The following PRKCE variants were observed in gnomAD, a reference collection of about 807,000 sequenced individuals.
PRKCE encodes protein kinase C epsilon type.
PRKCE carries 16 observed loss-of-function variants against 85.4 expected under a neutral mutation model. The ratio of observed to expected loss-of-function variants is 0.19; its 90% CI spans 0.13 to 0.28. PRKCE has a LOEUF of 0.28. Ranked by LOEUF, PRKCE falls within the 10% of genes least tolerant of loss-of-function variation. The pLI is 1.00. For missense variants in PRKCE, 573 were observed against 975.2 expected (o/e 0.59, Z 5.49); for synonymous variants, 388 against 371.5 (o/e 1.04, Z -0.51).
At chr2:45,973,809 C>T (rs1187964837) in intron 2 of PRKCE, among the ~76,000 whole-genome samples, 2 of 152,232 alleles carry the variant, frequency 1.3e-5, no homozygotes, top group African/African-American at 2.4e-5. Context: ...TTAGGAAGGA[C>T]TGTAACCACC....
intron 1 of PRKCE, among the ~76,000 whole-genome samples, chr2:45,748,628 C>G (rs1431093561): frequency 6.6e-6 from 1 of 152,180 alleles, no homozygotes; most frequent in Non-Finnish European, 1.5e-5. Context: ...GATCTCTTAT[C>G]TCTACCCTTC....
intron 2 of PRKCE, among the ~76,000 whole-genome samples, chr2:45,884,958 T>A (rs1211980359): frequency 3.9e-5 from 1 of 25,908 alleles, no homozygotes; most frequent in Non-Finnish European, 7.5e-5. Context: ...GTGATCCATA[T>A]ATATATATAT....
chr2:45,787,743 G>C (rs144890400), intron 1 of PRKCE, among the ~76,000 whole-genome samples: 2 of 152,196 alleles, frequency 1.3e-5, no homozygotes, highest in African/African-American at 4.8e-5. Flanking sequence ...CTCAGGGTTC[G>C]CGATACAGGT....
At chr2:45,976,332 C>T in intron 2 of PRKCE, 97 bp from the exon 3 acceptor site, 2 of 1,410,078 alleles carry the variant, frequency 1.4e-6, no homozygotes, top group Non-Finnish European at 9.6e-7. Context: ...ACCCCAGCTC[C>T]ACTCCCCCAG....
intron 1 of PRKCE, among the ~76,000 whole-genome samples, chr2:45,829,788 G>C (rs1038461098): frequency 2.0e-5 from 3 of 152,168 alleles, no homozygotes; most frequent in African/African-American, 7.2e-5. Context: ...AAATTGGAAG[G>C]CTCGGCCGGG....
chr2:45,751,809 A>AT (rs34589907), intron 1 of PRKCE, among the ~76,000 whole-genome samples: 943 of 78,488 alleles, frequency 0.012, 129 homozygotes, highest in Admixed American at 0.02. Flanking sequence ...GCTAACCACT[A>AT]TTTTTTTTTT....
intron 10 of PRKCE, among the ~76,000 whole-genome samples, chr2:46,042,337 C>T (rs1460937252): frequency 6.6e-6 from 1 of 152,216 alleles, no homozygotes; most frequent in Non-Finnish European, 1.5e-5. Context: ...TCTTGTTGAA[C>T]AGGTGAGGAA....
At position 45,652,444 on chromosome 2, in the gene PRKCE, A is replaced by C; in HGVS notation, c.344A>C (p.Asp115Ala). The change falls in exon 1 of 15, where the codon GAC (aspartate) becomes GCC (alanine). Residue 115 changes from aspartate (D) to alanine (A), a missense_variant. Around this residue, in one of 11 missense-constraint regions of PRKCE, gnomAD observed 100 missense variants for 177.1 expected, o/e 0.56. Transcript: ENST00000306156. This position sits in a 1 kb window ranked among gnomAD's most constrained non-coding sequence, Gnocchi z 7.7. ...LLQNGSRHFE[D>A]WIDLEPEGRV... ...CAGAACGGGAGCCGCCACTTCGAGG[A>C]CTGGGTGAGTGCGGCGCCTCCCCGT... 1 of 1,606,976 alleles carries C rather than the reference A, an allele frequency of 6.2e-7. No individual in the cohort carries two copies. Among genetic ancestry groups the C allele is most frequent in the Non-Finnish European group, 8.5e-7 (1 of 1,178,402 alleles).
At chr2:46,154,032 G>T (rs573956843) in intron 13 of PRKCE, among the ~76,000 whole-genome samples, 1 of 152,020 alleles carries the variant, frequency 6.6e-6, no homozygotes, top group Non-Finnish European at 1.5e-5. Flanking sequence ...TGATCCGCCC[G>T]CCTCAGCCTC....
chr2:46,064,499 G>C (rs538396954), intron 10 of PRKCE, among the ~76,000 whole-genome samples: 4 of 152,274 alleles, frequency 2.6e-5, no homozygotes, highest in African/African-American at 9.6e-5. Context: ...AGAAAGGACA[G>C]TCTTGGCAAT....
At chr2:45,892,371 C>CG (rs5830881) in intron 2 of PRKCE, among the ~76,000 whole-genome samples, 152,244 of 152,254 alleles carry the variant, frequency 1, 76,117 homozygotes, top group Middle Eastern at 1. Context: ...GCTGGATGAA[C>CG]GGGGCTCACT....
In PRKCE at chr2:45,952,949, G is replaced by T. The variant is rs1390940193; in HGVS notation, c.413-23480G>T. ...ACAGTATGAGGATTTGTCTTAAGCGGTAGGCTGAGTTCACCCTGACATCTC... is the reference window on the plus strand; with the variant it reads ...ACAGTATGAGGATTTGTCTTAAGCGTTAGGCTGAGTTCACCCTGACATCTC... On this transcript the variant is annotated intron_variant, in intron 2 of 14. Coordinates refer to ENST00000306156, the MANE Select transcript of PRKCE (RefSeq NM_005400.3). Among the ~76,000 whole-genome samples the T allele has an allele frequency of 2.0e-5, 3 of 152,212 alleles. No homozygotes were observed. In the South Asian group the frequency reaches 6.2e-4, roughly 32 times the overall value.
intron 10 of PRKCE, among the ~76,000 whole-genome samples, chr2:46,031,283 G>A (rs1345447120): frequency 2.0e-5 from 3 of 151,978 alleles, no homozygotes; most frequent in Admixed American, 6.6e-5. Context: ...TGCTGTCTTC[G>A]ATCTCACTGC....
intron 2 of PRKCE, among the ~76,000 whole-genome samples, chr2:45,947,434 A>C (rs969653513): frequency 1.3e-5 from 2 of 152,222 alleles, no homozygotes; most frequent in Non-Finnish European, 2.9e-5. Context: ...AATATATACA[A>C]AACCAGTGAT....
At chr2:45,915,736 C>T (rs1573862265) in intron 2 of PRKCE, among the ~76,000 whole-genome samples, 1 of 152,188 alleles carries the variant, frequency 6.6e-6, no homozygotes, top group Non-Finnish European at 1.5e-5. Context: ...CTGGTTGATT[C>T]ACATGTGCCC....
rs547925029 is a variant in PRKCE at position 45,774,880 on chromosome 2, T to G, written c.349-68120T>G. Among the ~76,000 whole-genome samples, 146 of 151,230 alleles carry G rather than the reference T, an allele frequency of 9.7e-4. 1 individual carries two copies. The highest frequency in any genetic ancestry group is 3.4e-3 in the African/African-American group (140 of 41,554). On this transcript the variant is annotated intron_variant, in intron 1 of 14. Transcript: ENST00000306156. The surrounding 1 kb of genome is among the most constrained non-coding windows in gnomAD (Gnocchi z 4.3). Reference sequence around the variant, plus strand: ...CGTCTCCAAGTCCAGGGTATCACTGTGACCCGAGGAAGCCCAGTGACACGG... The same window carrying G: ...CGTCTCCAAGTCCAGGGTATCACTGGGACCCGAGGAAGCCCAGTGACACGG...
At chr2:45,862,686 C>T (rs1459999622) in intron 2 of PRKCE, among the ~76,000 whole-genome samples, 1 of 152,202 alleles carries the variant, frequency 6.6e-6, no homozygotes, top group African/African-American at 2.4e-5. Flanking sequence ...TCACAATGCG[C>T]AGGGCTTTGG....
chr2:45,939,166 A>C (rs1699699141), intron 2 of PRKCE, among the ~76,000 whole-genome samples: 1 of 152,226 alleles, frequency 6.6e-6, no homozygotes, highest in Admixed American at 6.5e-5. Flanking sequence ...TCACAGAGTC[A>C]CTTGGAGGCT....
chr2:45,955,422 A>G (rs766708379), intron 2 of PRKCE, among the ~76,000 whole-genome samples: 1 of 152,148 alleles, frequency 6.6e-6, no homozygotes, highest in Non-Finnish European at 1.5e-5. Flanking sequence ...GTAGAACCAG[A>G]CAGTGCAGGG....
Sources: allele counts gnomAD v4.1 joint callset (sites outside exome capture counted in the v4.1 genomes callset), GRCh38; gene constraint gnomAD v4.1.1; regional missense constraint gnomAD v4.1.1; non-coding constraint Gnocchi (gnomAD v3.1); transcripts MANE v1.5; gene names NCBI Gene and HGNC (gene_info 2026-07-23, HGNC 2026-07-21).